CACNA2D3: variants seen among roughly 807,000 people sequenced by gnomAD.
The protein encoded by CACNA2D3 is calcium voltage-gated channel auxiliary subunit alpha2delta 3.
CACNA2D3 carries 60 observed loss-of-function variants against 160.6 expected under a neutral mutation model. The observed-to-expected ratio is 0.37, with a 90% CI of 0.30 to 0.46. The LOEUF is 0.46. Ranked by LOEUF, CACNA2D3 falls within the 20% of genes least tolerant of loss-of-function variation. CACNA2D3 has a pLI of 1.00. For missense variants in CACNA2D3, 1,205 were observed against 1,365.0 expected (o/e 0.88, Z 1.85); for synonymous variants, 558 against 492.9 (o/e 1.13, Z -1.75).
At chr3:54,660,236 C>A (rs951055137) in intron 11 of CACNA2D3, among the ~76,000 whole-genome samples, 1 of 151,746 alleles carries the variant, frequency 6.6e-6, no homozygotes, top group Non-Finnish European at 1.5e-5. Context: ...TCTTGGCTCA[C>A]TGCAAGCTCC....
intron 4 of CACNA2D3, among the ~76,000 whole-genome samples, chr3:54,405,298 G>C (rs1699555223): frequency 6.8e-6 from 1 of 147,800 alleles, no homozygotes; most frequent in African/African-American, 2.5e-5. Context: ...AAAAGTTGGA[G>C]GCTTCACATT....
At position 54,344,128 on chromosome 3, in the gene CACNA2D3, CTTA is replaced by C. The variant is rs1292286339; in HGVS notation, c.321+23577_321+23579del. On this transcript the variant is annotated intron_variant, in intron 3 of 37. Transcript: ENST00000474759. ...AGTAGTAATAGAATATTACAGTCTA[CTTA>C]TTATTAGGGACTAACAAGCATCATT... Among the ~76,000 whole-genome samples the C allele has an allele frequency of 2.6e-5, 4 of 152,138 alleles. No homozygotes were observed. In the East Asian group the frequency reaches 5.8e-4, roughly 22 times the overall value.
intron 11 of CACNA2D3, among the ~76,000 whole-genome samples, chr3:54,686,950 T>A (rs1700458315): frequency 6.6e-6 from 1 of 152,054 alleles, no homozygotes; most frequent in African/African-American, 2.4e-5. Context: ...TGTCAGGGCA[T>A]AACTACTTAA....
At chr3:54,919,815 ACT>A (rs1187342661) in intron 27 of CACNA2D3, among the ~76,000 whole-genome samples, 2 of 152,170 alleles carry the variant, frequency 1.3e-5, no homozygotes, top group Non-Finnish European at 2.9e-5. Flanking sequence ...CTTGTAGGTA[ACT>A]CTTGTCCAGA....
At chr3:54,142,430 A>G (rs1699954452) in intron 2 of CACNA2D3, among the ~76,000 whole-genome samples, 1 of 152,228 alleles carries the variant, frequency 6.6e-6, no homozygotes, top group South Asian at 2.1e-4. Flanking sequence ...GCCTTATTCC[A>G]ACCTCCTCCT....
At chr3:54,390,706 C>G (rs1392929450) in intron 4 of CACNA2D3, among the ~76,000 whole-genome samples, 1 of 152,180 alleles carries the variant, frequency 6.6e-6, no homozygotes, top group Non-Finnish European at 1.5e-5. Context: ...GGTTTTGAAG[C>G]TACTGAAGCT....
chr3:54,931,615 G>A (rs148742436), intron 27 of CACNA2D3, among the ~76,000 whole-genome samples: 17 of 152,282 alleles, frequency 1.1e-4, no homozygotes, highest in African/African-American at 3.6e-4. Context: ...GACCTGCCAG[G>A]ACCCCAGGTT....
chr3:55,028,684 A>C (rs1000427621), intron 35 of CACNA2D3, among the ~76,000 whole-genome samples: 8 of 152,242 alleles, frequency 5.3e-5, no homozygotes, highest in Non-Finnish European at 1.2e-4. Flanking sequence ...AACTTTAAAC[A>C]CATGTAACAT....
intron 3 of CACNA2D3, among the ~76,000 whole-genome samples, chr3:54,329,228 T>C (rs1160631809): frequency 4.6e-5 from 7 of 152,250 alleles, no homozygotes; most frequent in African/African-American, 1.7e-4. Flanking sequence ...TGTTTAACTG[T>C]ACTATTTCTT....
chr3:55,059,124 A>G (rs967258409), intron 35 of CACNA2D3, among the ~76,000 whole-genome samples: 1 of 152,216 alleles, frequency 6.6e-6, no homozygotes, highest in Admixed American at 6.5e-5. Flanking sequence ...TTCCCAGTGA[A>G]TTCTTTATAC....
intron 13 of CACNA2D3, among the ~76,000 whole-genome samples, chr3:54,790,689 C>T (rs1451503980): frequency 6.6e-6 from 1 of 152,090 alleles, no homozygotes; most frequent in Admixed American, 6.6e-5. Flanking sequence ...CTCTCTATAC[C>T]TAGAGCCCAC....
chr3:54,478,572 C>T (rs1485747321), intron 4 of CACNA2D3, among the ~76,000 whole-genome samples: 1 of 127,210 alleles, frequency 7.9e-6, no homozygotes, highest in Admixed American at 9.6e-5. Flanking sequence ...GCGGAGCTTG[C>T]AGTGAGCCAA....
At chr3:54,165,600 TAAAAAA>T (rs373085382) in intron 2 of CACNA2D3, among the ~76,000 whole-genome samples, 3 of 93,428 alleles carry the variant, frequency 3.2e-5, no homozygotes, top group African/African-American at 1.2e-4. Context: ...GTTCCATCTC[TAAAAAA>T]AAAAAAAAAA....
chr3:54,141,082 T>TGC (rs1559860039), intron 2 of CACNA2D3, among the ~76,000 whole-genome samples: 1 of 112,600 alleles, frequency 8.9e-6, no homozygotes, highest in Admixed American at 9.7e-5. Context: ...TGTGTGTGTG[T>TGC]GTGTGCGCGC....
chr3:54,276,754 G>T (rs1050670711), intron 2 of CACNA2D3, among the ~76,000 whole-genome samples: 1 of 151,974 alleles, frequency 6.6e-6, no homozygotes, highest in African/African-American at 2.4e-5. Context: ...GTTTTTTTCT[G>T]TGCATTTCTT....
intron 11 of CACNA2D3, among the ~76,000 whole-genome samples, chr3:54,677,627 G>C (rs1029258184): frequency 6.7e-6 from 1 of 148,370 alleles, no homozygotes; most frequent in South Asian, 2.1e-4. Flanking sequence ...TTTTGGGGGG[G>C]GGGCAACGTA....
chr3:54,642,207 C>T lies in CACNA2D3; in HGVS notation c.1133C>T (p.Thr378Ile), dbSNP rs755334369. 9.3e-6 allele frequency: 15 copies of T among 1,612,418 alleles called. No individual in the cohort carries two copies. The East Asian group carries it at 2.9e-4, about 31-fold the overall frequency. ...ITDGAVDTYD[T>I]IFAKYNWPDR... Reference sequence around the variant, plus strand: ...GATGGGGCGGTGGACACCTATGATACAATCTTTGCAAAATACAATTGGCCA... The same window carrying T: ...GATGGGGCGGTGGACACCTATGATATAATCTTTGCAAAATACAATTGGCCA... Residue 378 changes from threonine to isoleucine, a missense_variant, in exon 11 of 38, where the codon ACA becomes ATA. Thr to Ile is a moderately conservative substitution (Grantham distance 89). This residue lies in a region of CACNA2D3 where 911 missense variants were observed against 1,002.2 expected (regional missense o/e 0.91). Coordinates refer to ENST00000474759, the MANE Select transcript of CACNA2D3 (RefSeq NM_018398.3).
intron 11 of CACNA2D3, among the ~76,000 whole-genome samples, chr3:54,712,969 C>T (rs1202045304): frequency 1.3e-5 from 2 of 152,180 alleles, no homozygotes; most frequent in Admixed American, 6.5e-5. Context: ...TAATCACAAA[C>T]TCCTAGACAT....
At chr3:54,709,593 C>G (rs557978896) in intron 11 of CACNA2D3, among the ~76,000 whole-genome samples, 1 of 152,216 alleles carries the variant, frequency 6.6e-6, no homozygotes, top group South Asian at 2.1e-4. Context: ...AACTCCTGGA[C>G]TCAAGTGATC....
Sources: allele counts gnomAD v4.1 joint callset (sites outside exome capture counted in the v4.1 genomes callset), GRCh38; gene constraint gnomAD v4.1.1; regional missense constraint gnomAD v4.1.1; transcripts MANE v1.5; gene names NCBI Gene and HGNC (gene_info 2026-07-23, HGNC 2026-07-21).